PCDH9: variants seen among roughly 807,000 people sequenced by gnomAD.
PCDH9 encodes protocadherin 9, also known as protocadherin-9.
In PCDH9, 24 loss-of-function variants were observed where a neutral mutation model predicts 70.6. That is an observed-to-expected ratio of 0.34 (90% confidence interval 0.25 to 0.48). PCDH9 has a LOEUF of 0.48. Among genes scored for constraint, PCDH9 ranks in the 20% least tolerant of loss-of-function variants. The probability of loss-of-function intolerance (pLI) is 0.99; values close to 1 mark genes in which losing one functional copy is unlikely to be tolerated. For synonymous variants in PCDH9, 562 were observed against 558.5 expected (o/e 1.01, Z -0.09); for missense variants, 1,281 against 1,503.6 (o/e 0.85, Z 2.45).
Position 67,172,223 on chromosome 13 carries a change from G to A in PCDH9, c.3036+53182C>T, listed in dbSNP as rs538324724. On this transcript the variant is annotated intron_variant, in intron 2 of 4. Transcript: ENST00000377865. ...CTATATCTAGCATGATTGTTCTCACGGCATCCCCTGGGAGAAAGTAGAACG... is the reference window on the plus strand; with the variant it reads ...CTATATCTAGCATGATTGTTCTCACAGCATCCCCTGGGAGAAAGTAGAACG... Among the ~76,000 whole-genome samples, 8 of 152,068 alleles carry A rather than the reference G, an allele frequency of 5.3e-5. No homozygotes were observed. In the East Asian group the frequency reaches 1.4e-3, roughly 26 times the overall value.
rs1274669414 is a variant in PCDH9 at position 67,226,386 on chromosome 13, C to A, written c.2055G>T (p.Lys685Asn). 1.9e-6 allele frequency: 3 copies of A among 1,614,078 alleles called. No homozygotes were observed. Among genetic ancestry groups the A allele is most frequent in the East Asian group, 2.2e-5 (1 of 44,896 alleles). Residue 685 changes from lysine to asparagine, a missense_variant, in exon 2 of 5, where the codon AAG (lysine) becomes AAT (asparagine). Physicochemically the swap from Lys to Asn is moderately conservative, Grantham distance 94 (BLOSUM62 0). Transcript: ENST00000377865. The surrounding 1 kb of genome is among the most constrained non-coding windows in gnomAD (Gnocchi z 5.0). ...VISPPSNTSF[K>N]LVPLSAIPGS... ...CAGGAATGGCTGAGAGGGGCACCAA[C>A]TTAAAGGAAGTATTAGACGGTGGAG...
intron 3 of PCDH9, among the ~76,000 whole-genome samples, chr13:66,799,324 T>A (rs1439816081): frequency 6.6e-6 from 1 of 152,066 alleles, no homozygotes; most frequent in East Asian, 1.9e-4. Flanking sequence ...CAGCCTGTTG[T>A]GGGGAGCCTG....
intron 4 of PCDH9, among the ~76,000 whole-genome samples, chr13:66,456,658 A>G (rs1958323355): frequency 6.6e-6 from 1 of 152,094 alleles, no homozygotes; most frequent in Non-Finnish European, 1.5e-5. Context: ...TAGCATTCCA[A>G]TTCTTGTGCT....
In PCDH9 at chr13:66,836,986, G is replaced by A. The variant is rs147045085; in HGVS notation, c.3138+66518C>T. On this transcript the variant is annotated intron_variant, in intron 3 of 4. Transcript: ENST00000377865. Reference sequence around the variant, plus strand: ...GTATTTAAAATGTGCCCAAGTATACGCTAAAAATCAGCACCCTCCCCATCA... The same window carrying A: ...GTATTTAAAATGTGCCCAAGTATACACTAAAAATCAGCACCCTCCCCATCA... Among the ~76,000 whole-genome samples, 59 of 152,172 alleles carry A rather than the reference G, an allele frequency of 3.9e-4. 1 individual carries two copies. Among genetic ancestry groups the A allele is most frequent in the African/African-American group, 1.2e-3 (50 of 41,510 alleles).
rs191608818 is a variant in PCDH9 at position 66,498,660 on chromosome 13, A to C, written c.3340+132550T>G. Among the ~76,000 whole-genome samples, 43 of 152,304 alleles carry C rather than the reference A, an allele frequency of 2.8e-4. 1 individual carries two copies. The East Asian group carries it at 6.8e-3, about 24-fold the overall frequency. On this transcript the variant is annotated intron_variant, in intron 4 of 4. Transcript: ENST00000377865. Reference sequence around the variant, plus strand: ...AACATTTCAAGTAGAGCATGCCATAATTTAATCAAATAAATATCTCCACAA... The same window carrying C: ...AACATTTCAAGTAGAGCATGCCATACTTTAATCAAATAAATATCTCCACAA...
intron 3 of PCDH9, among the ~76,000 whole-genome samples, chr13:66,705,047 C>T (rs376980095): frequency 3.8e-4 from 58 of 152,028 alleles, no homozygotes; most frequent in African/African-American, 1.3e-3. Context: ...TAGGGCTGTA[C>T]AATATATACC....
At chr13:66,590,932 T>A (rs1016749579) in intron 4 of PCDH9, among the ~76,000 whole-genome samples, 1 of 151,784 alleles carries the variant, frequency 6.6e-6, no homozygotes, top group African/African-American at 2.4e-5. Flanking sequence ...TAAATATCAG[T>A]ATCCAAATAA....
intron 4 of PCDH9, among the ~76,000 whole-genome samples, chr13:66,615,766 G>A (rs2077347951): frequency 6.6e-6 from 1 of 152,178 alleles, no homozygotes; most frequent in Admixed American, 6.5e-5. Context: ...TTGTTGTTCA[G>A]AGTCAAGGAA....
intron 4 of PCDH9, among the ~76,000 whole-genome samples, chr13:66,574,438 T>C (rs991501965): frequency 1.3e-5 from 2 of 152,150 alleles, no homozygotes; most frequent in African/African-American, 4.8e-5. Context: ...TAACCTTAAA[T>C]TGATGATATA....
In PCDH9 at chr13:66,470,710, T is replaced by A. The variant is rs559597467; in HGVS notation, c.3340+160500A>T. The stretch of plus-strand genomic sequence containing the variant: ...CATGTAACATTGTACAGAACAGACA[T>A]GAGCTCTGAAATTAAAAAAAAAAAA... On this transcript the variant is annotated intron_variant, in intron 4 of 4. Coordinates refer to ENST00000377865, the MANE Select transcript of PCDH9 (RefSeq NM_203487.3). Among the ~76,000 whole-genome samples, 19 of 148,276 alleles carry A rather than the reference T, an allele frequency of 1.3e-4. No individual in the cohort carries two copies. In the South Asian group the frequency reaches 3.9e-3, roughly 30 times the overall value.
intron 4 of PCDH9, among the ~76,000 whole-genome samples, chr13:66,464,367 C>T (rs1958479316): frequency 6.6e-6 from 1 of 151,818 alleles, no homozygotes; most frequent in Non-Finnish European, 1.5e-5. Context: ...AAAAAGGAGA[C>T]TATTTTACCC....
At chr13:66,958,012 C>A (rs1046527303) in intron 2 of PCDH9, among the ~76,000 whole-genome samples, 1 of 151,968 alleles carries the variant, frequency 6.6e-6, no homozygotes, top group Non-Finnish European at 1.5e-5. Context: ...GTTTATTTCA[C>A]CTAACTGGAG....
chr13:66,952,810 G>C (rs1034967573), intron 2 of PCDH9, among the ~76,000 whole-genome samples: 1 of 151,996 alleles, frequency 6.6e-6, no homozygotes, highest in Non-Finnish European at 1.5e-5. Context: ...ACGGAACTTA[G>C]GTTCTTAGTA....
At chr13:66,346,518 A>G (rs906636508) in intron 4 of PCDH9, among the ~76,000 whole-genome samples, 1 of 152,168 alleles carries the variant, frequency 6.6e-6, no homozygotes, top group African/African-American at 2.4e-5. Flanking sequence ...TTATTTTGTG[A>G]GAGTGAAACC....
chr13:66,916,269 T>A (rs1047158577), intron 2 of PCDH9, among the ~76,000 whole-genome samples: 8 of 151,576 alleles, frequency 5.3e-5, no homozygotes, highest in African/African-American at 1.9e-4. Flanking sequence ...TTTCTCACAA[T>A]TCACCCAGAT....
intron 4 of PCDH9, among the ~76,000 whole-genome samples, chr13:66,335,988 C>T (rs1956031157): frequency 1.3e-5 from 2 of 152,066 alleles, no homozygotes; most frequent in South Asian, 2.1e-4. Context: ...AATAGATTGT[C>T]TAACTCCATT....
intron 4 of PCDH9, among the ~76,000 whole-genome samples, chr13:66,376,325 C>T (rs1956746118): frequency 6.6e-6 from 1 of 152,088 alleles, no homozygotes; most frequent in African/African-American, 2.4e-5. Flanking sequence ...GCTCCTGTTC[C>T]TCAACTCTCA....
At chr13:66,666,820 G>T (rs2078103852) in intron 3 of PCDH9, among the ~76,000 whole-genome samples, 1 of 152,036 alleles carries the variant, frequency 6.6e-6, no homozygotes, top group African/African-American at 2.4e-5. Context: ...TATATTTGAG[G>T]TATGAGGCAA....
At chr13:66,843,913 C>A (rs1306104028) in intron 3 of PCDH9, among the ~76,000 whole-genome samples, 1 of 152,176 alleles carries the variant, frequency 6.6e-6, no homozygotes. Flanking sequence ...TAAGTGCATT[C>A]AGGGCTTAAA....
Sources: gnomAD v4.1 joint callset for allele counts (sites outside exome capture counted in the v4.1 genomes callset) on GRCh38, gnomAD v4.1.1 for gene constraint, Gnocchi (gnomAD v3.1) non-coding constraint, MANE v1.5 for transcripts, NCBI Gene and HGNC (gene_info 2026-07-23, HGNC 2026-07-21) for gene names.